The following LRRC8D variants were observed in gnomAD, a reference collection of about 807,000 sequenced individuals.
LRRC8D encodes volume-regulated anion channel subunit LRRC8D.
LRRC8D carries 20 observed loss-of-function variants against 55.8 expected under a neutral mutation model. The observed-to-expected ratio is 0.36, with a 90% CI of 0.25 to 0.52. LRRC8D has a LOEUF of 0.52. Among genes scored for constraint, LRRC8D ranks in the 20% least tolerant of loss-of-function variants. The pLI is 0.93. For synonymous variants in LRRC8D, 352 were observed against 377.0 expected (o/e 0.93, Z 0.77); for missense variants, 651 against 1,030.8 (o/e 0.63, Z 5.05).
chr1:89,910,686 C>T (rs368690325), intron 2 of LRRC8D, among the ~76,000 whole-genome samples: 3 of 151,352 alleles, frequency 2.0e-5, no homozygotes, highest in South Asian at 2.1e-4. Context: ...TGTGTGATCT[C>T]GGTCGAATTA....
chr1:89,826,785 T>C (rs911994057), intron 1 of LRRC8D, among the ~76,000 whole-genome samples: 3 of 152,184 alleles, frequency 2.0e-5, no homozygotes, highest in African/African-American at 7.2e-5. Context: ...TTTCTAGGTT[T>C]GCAGATGACA....
intron 2 of LRRC8D, among the ~76,000 whole-genome samples, chr1:89,894,020 C>T (rs1048779876): frequency 6.6e-6 from 1 of 152,120 alleles, no homozygotes; most frequent in African/African-American, 2.4e-5. Flanking sequence ...AATCCTAACC[C>T]CAGTGTAATG....
chr1:89,879,120 C>CT (rs1308791440), intron 2 of LRRC8D, among the ~76,000 whole-genome samples: 2 of 152,182 alleles, frequency 1.3e-5, no homozygotes, highest in African/African-American at 4.8e-5. Context: ...GTCCGCTAGA[C>CT]TTTATCTATG....
chr1:89,926,428 G>A (rs765611111), intron 2 of LRRC8D, among the ~76,000 whole-genome samples: 2 of 152,218 alleles, frequency 1.3e-5, no homozygotes, highest in Non-Finnish European at 2.9e-5. Context: ...ATGGTGCTTG[G>A]CACGGGGCTG....
rs576170754 is a variant in LRRC8D at position 89,843,754 on chromosome 1, TGA to T, written c.-26_-25del. 1,154 of 697,430 alleles carry T rather than the reference TGA, an allele frequency of 1.7e-3. 22 individuals are homozygous for T. The South Asian group carries it at 0.017, about 10-fold the overall frequency. The allele number at this position is 697,430 out of a possible 1,614,324, so 43.2% of individuals were successfully genotyped here. A position where few individuals can be genotyped will look rare whatever the true frequency, so the allele number is the denominator to read the frequency against. On this transcript the variant is annotated 5_prime_UTR_variant, in exon 2 of 3. Coordinates refer to ENST00000337338, the MANE Select transcript of LRRC8D (RefSeq NM_001134479.2). ...CAAGCCGCGTCCCCAGAGAGCGCCC[TGA>T]GAGAACAGGGTGGCCGCTTGGTCCA... is the stretch of plus-strand genomic sequence containing the variant.
At chr1:89,862,344 C>T (rs1464615726) in intron 2 of LRRC8D, among the ~76,000 whole-genome samples, 1 of 152,064 alleles carries the variant, frequency 6.6e-6, no homozygotes, top group Non-Finnish European at 1.5e-5. Context: ...CATTGTAGCT[C>T]AAAGAAGGCT....
At chr1:89,826,509 C>T (rs1177222548) in intron 1 of LRRC8D, among the ~76,000 whole-genome samples, 6 of 152,178 alleles carry the variant, frequency 3.9e-5, no homozygotes, top group African/African-American at 1.4e-4. Flanking sequence ...GCCTCGGCCT[C>T]CCAAAGTGCT....
intron 2 of LRRC8D, among the ~76,000 whole-genome samples, chr1:89,851,045 G>A (rs924965103): frequency 2.0e-5 from 3 of 150,034 alleles, no homozygotes; most frequent in South Asian, 4.2e-4. Context: ...TATTGCTGAC[G>A]TTACATTTTC....
intron 2 of LRRC8D, among the ~76,000 whole-genome samples, chr1:89,856,063 G>A (rs1229906646): frequency 6.6e-6 from 1 of 151,908 alleles, no homozygotes; most frequent in Non-Finnish European, 1.5e-5. Context: ...TGACTATCTA[G>A]TGTGTCTGAA....
chr1:89,824,607 T>C (rs901107601), intron 1 of LRRC8D, among the ~76,000 whole-genome samples: 4 of 152,324 alleles, frequency 2.6e-5, no homozygotes, highest in South Asian at 4.2e-4. Flanking sequence ...AATTTTTTTT[T>C]CCAATGATTT....
chr1:89,874,808 A>G (rs1354405063), intron 2 of LRRC8D, among the ~76,000 whole-genome samples: 2 of 152,220 alleles, frequency 1.3e-5, no homozygotes, highest in African/African-American at 4.8e-5. Context: ...CAGTAATCCA[A>G]AAATGTTAAG....
At chr1:89,886,664 G>A (rs948308103) in intron 2 of LRRC8D, among the ~76,000 whole-genome samples, 2 of 152,154 alleles carry the variant, frequency 1.3e-5, no homozygotes, top group African/African-American at 4.8e-5. Context: ...GGCAGTAACA[G>A]CAGCCTATTT....
intron 2 of LRRC8D, among the ~76,000 whole-genome samples, chr1:89,888,024 C>G (rs1662467241): frequency 1.3e-5 from 2 of 152,154 alleles, no homozygotes; most frequent in Admixed American, 1.3e-4. Flanking sequence ...TTTGTCAAAA[C>G]CCATAAAACT....
intron 2 of LRRC8D, among the ~76,000 whole-genome samples, chr1:89,847,047 G>A (rs972426484): frequency 6.6e-6 from 1 of 152,004 alleles, no homozygotes; most frequent in Non-Finnish European, 1.5e-5. Context: ...ACAGAACAAC[G>A]TGAGCAAACC....
intron 2 of LRRC8D, among the ~76,000 whole-genome samples, chr1:89,888,751 C>T (rs908395155): frequency 4.6e-5 from 7 of 152,022 alleles, no homozygotes; most frequent in Non-Finnish European, 7.4e-5. Context: ...CCCACAATGA[C>T]GAAGGTTTAT....
At chr1:89,899,270 A>G (rs1296359145) in intron 2 of LRRC8D, among the ~76,000 whole-genome samples, 1 of 152,234 alleles carries the variant, frequency 6.6e-6, no homozygotes, top group African/African-American at 2.4e-5. Context: ...GGAGAGGCTC[A>G]AGTGTGCCAG....
chr1:89,882,627 A>C (rs1370387689), intron 2 of LRRC8D, among the ~76,000 whole-genome samples: 1 of 152,210 alleles, frequency 6.6e-6, no homozygotes, highest in Non-Finnish European at 1.5e-5. Flanking sequence ...TCACTGTTTC[A>C]TTATTTGTAT....
rs114240030 is a variant in LRRC8D at position 89,826,166 on chromosome 1, G to A, written c.-148+4875G>A. Among the ~76,000 whole-genome samples the A allele has an allele frequency of 7.3e-3, 1,113 of 152,330 alleles. 7 individuals are homozygous for A. Among genetic ancestry groups the A allele is most frequent in the African/African-American group, 0.026 (1,071 of 41,568 alleles). On this transcript the variant is annotated intron_variant, in intron 1 of 2. Transcript: ENST00000337338. ...TTATATTGTCAAAGGCTGTGTCGAA[G>A]TTGGAGTCTTAGAATTAAGGATGCA...
At chr1:89,886,839 A>T (rs1176752395) in intron 2 of LRRC8D, among the ~76,000 whole-genome samples, 2 of 152,144 alleles carry the variant, frequency 1.3e-5, no homozygotes, top group African/African-American at 4.8e-5. Flanking sequence ...TTATTCTTTT[A>T]CTTGTATGTA....
Sources: allele counts gnomAD v4.1 joint callset (sites outside exome capture counted in the v4.1 genomes callset), GRCh38; gene constraint gnomAD v4.1.1; transcripts MANE v1.5; gene names NCBI Gene and HGNC (gene_info 2026-07-23, HGNC 2026-07-21).